Variants in GALNS observed in about 807,000 individuals in gnomAD.
The protein encoded by GALNS is galactosamine (N-acetyl)-6-sulfatase.
A neutral mutation model predicts 65.9 loss-of-function variants in GALNS; 65 were observed. The observed-to-expected ratio is 0.99, with a 90% CI of 0.81 to 1.21. The LOEUF is 1.21. GALNS is among the 50% of genes most tolerant of loss of function. The probability of loss-of-function intolerance (pLI) is 0.00; values close to 1 mark genes in which losing one functional copy is unlikely to be tolerated. For missense variants in GALNS, 776 were observed against 700.7 expected (o/e 1.11, Z -1.21); for synonymous variants, 346 against 288.9 (o/e 1.20, Z -2.00).
Position 88,826,703 on chromosome 16 carries a change from T to G in GALNS, c.1138A>C (p.Arg380=), listed in dbSNP as rs770908172. ...GGCCGGGGCAGGTCTAGCACCAACC[T>G]GTCCATCAGCCGGCCCTGCAGGAGG... is the stretch of plus-strand genomic sequence containing the variant. ...PTLLQGRLMD[R]PIFYYRGDTL... The change falls in exon 10 of 14, where the codon AGG becomes CGG. Residue 380 remains arginine (R), a splice_region_variant and synonymous_variant. Coordinates refer to ENST00000268695, the MANE Select transcript of GALNS (RefSeq NM_000512.5). The G allele has an allele frequency of 8.7e-6, 14 of 1,612,172 alleles. No individual in the cohort carries two copies. The African/African-American group carries it at 1.9e-4, about 22-fold the overall frequency.
intron 1 of GALNS, among the ~76,000 whole-genome samples, chr16:88,849,371 G>A (rs549522249): frequency 7.9e-5 from 12 of 152,116 alleles, no homozygotes; most frequent in Non-Finnish European, 1.6e-4. Flanking sequence ...TGCAACCTCC[G>A]GCTCTTGGGT....
chr16:88,856,032 C>G, intron 1 of GALNS: 1 of 620,188 alleles, frequency 1.6e-6, no homozygotes, highest in South Asian at 1.8e-5. Flanking sequence ...CCAGGTGTGT[C>G]TGGGGTCCTG....
chr16:88,814,022 C>G lies in GALNS; in HGVS notation c.*417G>C, dbSNP rs1394974506. The stretch of plus-strand genomic sequence containing the variant: ...CAATGTACGCCATACACATACTGAT[C>G]TTGTGTCTCCCTAAGATGTATAAAG... On this transcript the variant is annotated 3_prime_UTR_variant, in exon 14 of 14. Coordinates refer to ENST00000268695, the MANE Select transcript of GALNS (RefSeq NM_000512.5). 3.1e-6 allele frequency: 1 copy of G among 326,370 alleles called. No individual in the cohort carries two copies. The highest frequency in any genetic ancestry group is 7.6e-5 in the East Asian group (1 of 13,240). The allele number at this position is 326,370 out of a possible 1,614,324, so 20.2% of individuals were successfully genotyped here.
rs1368405127 is a variant in GALNS at position 88,832,226 on chromosome 16, G to C, written c.899-125C>G. 3 of 871,894 alleles carry C rather than the reference G, an allele frequency of 3.4e-6. No individual in the cohort carries two copies. The African/African-American group carries it at 5.0e-5, about 15-fold the overall frequency. 54.0% of individuals were successfully genotyped at this position (871,894 alleles called of 1,614,324 possible). A position where few individuals can be genotyped will look rare whatever the true frequency, so the allele number is the denominator to read the frequency against. On this transcript the variant is annotated intron_variant, in intron 8 of 13. Coordinates refer to ENST00000268695, the MANE Select transcript of GALNS (RefSeq NM_000512.5). ...GGGCCCGGCCAAGGCACTCTGGCTG[G>C]AGTGCATGATCCGAGCCTCGGGGTG...
intron 13 of GALNS, chr16:88,815,587 A>C: frequency 1.0e-6 from 1 of 985,468 alleles, no homozygotes; most frequent in Admixed American, 6.1e-5. Context: ...TCTTGGCTGA[A>C]ATGAGTGCAG....
intron 3 of GALNS, 72 bp downstream of exon 3, chr16:88,841,825 C>T (rs778849696): frequency 3.0e-4 from 407 of 1,366,352 alleles, no homozygotes; most frequent in Non-Finnish European, 4.1e-4. Context: ...CCCGGAGACA[C>T]GGGCACCACC....
At chr16:88,852,266 C>T (rs977610145) in intron 1 of GALNS, among the ~76,000 whole-genome samples, 5 of 152,216 alleles carry the variant, frequency 3.3e-5, no homozygotes, top group African/African-American at 1.2e-4. Flanking sequence ...CTTCAGCAAA[C>T]TCCAACAGAC....
intron 3 of GALNS, 84 bp downstream of exon 3, chr16:88,841,813 G>C (rs1225056718): frequency 1.6e-6 from 2 of 1,257,262 alleles, no homozygotes; most frequent in African/African-American, 3.0e-5. Flanking sequence ...TGCCACCCGA[G>C]TCCCGGAGAC....
At chr16:88,852,486 G>C (rs1159935604) in intron 1 of GALNS, among the ~76,000 whole-genome samples, 2 of 152,212 alleles carry the variant, frequency 1.3e-5, no homozygotes, top group African/African-American at 4.8e-5. Flanking sequence ...TCCTCCAAAG[G>C]ATCGCAGCTC....
At chr16:88,847,545 G>A (rs942067836) in intron 1 of GALNS, among the ~76,000 whole-genome samples, 4 of 152,118 alleles carry the variant, frequency 2.6e-5, no homozygotes, top group African/African-American at 7.2e-5. Context: ...CCTGCCCATC[G>A]GGCCCTTGTA....
At chr16:88,850,530 C>A (rs572279843) in intron 1 of GALNS, among the ~76,000 whole-genome samples, 1 of 152,216 alleles carries the variant, frequency 6.6e-6, no homozygotes, top group East Asian at 1.9e-4. Context: ...AGGGAGGGGG[C>A]TCCACGCTCA....
intron 1 of GALNS, chr16:88,843,519 G>C (rs748390876): frequency 1.0e-5 from 3 of 298,490 alleles, no homozygotes; most frequent in Non-Finnish European, 2.0e-5. Flanking sequence ...GATGTAGTGA[G>C]CTAAGATGAG....
rs570231003 is a variant in GALNS at position 88,819,311 on chromosome 16, C to A, written c.1365-1187G>T. 2.0e-5 allele frequency among the ~76,000 whole-genome samples: 3 copies of A among 152,276 alleles called. No homozygotes were observed. The South Asian group carries it at 6.2e-4, about 32-fold the overall frequency. The stretch of plus-strand genomic sequence containing the variant: ...AGAGCTGGGGTCCTTCAGGGCTCCC[C>A]GCTTGGTGCCCGCGGAGATGCCTGT... On this transcript the variant is annotated intron_variant, in intron 12 of 13. Coordinates refer to ENST00000268695, the MANE Select transcript of GALNS (RefSeq NM_000512.5).
In GALNS at chr16:88,814,327, G is replaced by C. The variant is rs774554640; in HGVS notation, c.*112C>G. 1 of 1,400,456 alleles carries C rather than the reference G, an allele frequency of 7.1e-7. No individual in the cohort carries two copies. Among genetic ancestry groups the C allele is most frequent in the Non-Finnish European group, 9.9e-7 (1 of 1,013,226 alleles). 86.8% of individuals were successfully genotyped at this position (1,400,456 alleles called of 1,614,324 possible). A position where few individuals can be genotyped will look rare whatever the true frequency, so the allele number is the denominator to read the frequency against. On this transcript the variant is annotated 3_prime_UTR_variant, in exon 14 of 14. Coordinates refer to ENST00000268695, the MANE Select transcript of GALNS (RefSeq NM_000512.5). ...CAGTCCCCCTGCGTCTGCAGGTGCT[G>C]TCTGTCTGGCTTGGGCAGGGTTGGG...
chr16:88,816,601 G>T, intron 13 of GALNS: 2 of 984,060 alleles, frequency 2.0e-6, no homozygotes, highest in Non-Finnish European at 2.4e-6. Flanking sequence ...CCCTGGGCAG[G>T]GACAAGGCCA....
rs1310092906 is a variant in GALNS, at chr16:88,841,103, G to A, written c.320-9C>T. The A allele has an allele frequency of 6.2e-7, 1 of 1,610,074 alleles. No homozygotes were observed. Among genetic ancestry groups the A allele is most frequent in the Non-Finnish European group, 8.5e-7 (1 of 1,177,318 alleles). On this transcript the variant is annotated splice_polypyrimidine_tract_variant and intron_variant, in intron 3 of 13. Coordinates refer to ENST00000268695, the MANE Select transcript of GALNS (RefSeq NM_000512.5). ...CTCCTGCGGTGTGTAGGCTGGAAGA[G>A]CAGCGCTGGGTGAGCCCCGAGGAGA...
In GALNS at chr16:88,813,850, A is replaced by G. The variant is rs1254887352; in HGVS notation, c.*589T>C. The G allele has an allele frequency of 6.3e-6, 1 of 158,746 alleles. No homozygotes were observed. Among genetic ancestry groups the G allele is most frequent in the Non-Finnish European group, 1.4e-5 (1 of 71,456 alleles). 9.8% of individuals were successfully genotyped at this position (158,746 alleles called of 1,614,324 possible). ...GCGTCCAGGGAAATTCCTTGTGGACAAAGGACAGACGGAACTGGAAGTCAT... is the reference window on the plus strand; with the variant it reads ...GCGTCCAGGGAAATTCCTTGTGGACGAAGGACAGACGGAACTGGAAGTCAT... On this transcript the variant is annotated 3_prime_UTR_variant, in exon 14 of 14. Transcript: ENST00000268695.
chr16:88,814,696 A>G (rs1909451500), intron 13 of GALNS, 171 bp from the exon 14 acceptor site: 1 of 567,436 alleles, frequency 1.8e-6, no homozygotes, highest in Non-Finnish European at 2.2e-6. Context: ...CGGGTTCAAG[A>G]GATTCTCCTG....
chr16:88,855,558 G>C (rs1322351891), intron 1 of GALNS: 1 of 700,304 alleles, frequency 1.4e-6, no homozygotes, highest in South Asian at 1.5e-5. Context: ...TGGAAAAGCA[G>C]CTGCCCAGGA....
Sources: allele counts gnomAD v4.1 joint callset (sites outside exome capture counted in the v4.1 genomes callset), GRCh38; gene constraint gnomAD v4.1.1; transcripts MANE v1.5; gene names NCBI Gene and HGNC (gene_info 2026-07-23, HGNC 2026-07-21).